UBE2G1: variants seen among roughly 807,000 people sequenced by gnomAD.
The protein encoded by UBE2G1 is ubiquitin-conjugating enzyme E2 G1.
In UBE2G1, 5 loss-of-function variants were observed where a neutral mutation model predicts 22.7. The observed-to-expected ratio is 0.22, with a 90% CI of 0.12 to 0.46. The LOEUF is 0.46. UBE2G1 is among the 20% of genes least tolerant of loss of function. The pLI is 0.99. For synonymous variants in UBE2G1, 74 were observed against 67.5 expected, an observed-to-expected ratio of 1.10 and a Z score of -0.47; for missense variants, 88 against 203.9, an observed-to-expected ratio of 0.43 and a Z score of 3.46.
intron 1 of UBE2G1, among the ~76,000 whole-genome samples, chr17:4,365,396 C>T (rs1312015386): frequency 2.0e-5 from 3 of 152,374 alleles, no homozygotes; most frequent in South Asian, 2.1e-4. Context: ...GAGCCAACCC[C>T]CTAAAAAGTC....
At chr17:4,358,763 C>T (rs1372023792) in intron 1 of UBE2G1, among the ~76,000 whole-genome samples, 1 of 152,108 alleles carries the variant, frequency 6.6e-6, no homozygotes, top group Non-Finnish European at 1.5e-5. Flanking sequence ...ACCAGCCTGA[C>T]TAATATAGAG....
At chr17:4,284,150 CCG>C (rs1348110751) in intron 4 of UBE2G1, among the ~76,000 whole-genome samples, 3 of 128,572 alleles carry the variant, frequency 2.3e-5, no homozygotes, top group South Asian at 2.9e-4. Context: ...GAGCGAGACT[CCG>C]TCTCTCAAAA....
chr17:4,287,262 G>T (rs1030297730), intron 4 of UBE2G1, among the ~76,000 whole-genome samples: 1 of 151,840 alleles, frequency 6.6e-6, no homozygotes, highest in Non-Finnish European at 1.5e-5. Flanking sequence ...CTGCCACCAC[G>T]CCTGGCTAAT....
chr17:4,288,167 A>C (rs1704268642), intron 4 of UBE2G1, among the ~76,000 whole-genome samples: 1 of 152,222 alleles, frequency 6.6e-6, no homozygotes, highest in South Asian at 2.1e-4. Flanking sequence ...TCATTTAACT[A>C]ATACATTTTT....
intron 1 of UBE2G1, among the ~76,000 whole-genome samples, chr17:4,352,506 C>T (rs1357165774): frequency 1.3e-5 from 2 of 152,154 alleles, no homozygotes; most frequent in African/African-American, 4.8e-5. Flanking sequence ...GGTCAGAAAG[C>T]TGGGTAGGAA....
intron 3 of UBE2G1, 47 bp downstream of exon 3, chr17:4,296,670 C>T: frequency 6.5e-7 from 1 of 1,542,842 alleles, no homozygotes; most frequent in Non-Finnish European, 9.0e-7. Flanking sequence ...ACTTCAATAA[C>T]AGGCCATCAA....
At position 4,289,419 on chromosome 17, in the gene UBE2G1, C is replaced by G; in HGVS notation, c.248-11G>C. On this transcript the variant is annotated splice_polypyrimidine_tract_variant and intron_variant, in intron 3 of 5. Transcript: ENST00000396981. Reference sequence around the variant, plus strand: ...CACCATTTTTATCAACTGCAAAATTCAAGAAGAGGCTTGTTTCATATATTA... The same window carrying G: ...CACCATTTTTATCAACTGCAAAATTGAAGAAGAGGCTTGTTTCATATATTA... The G allele has an allele frequency of 6.8e-7, 1 of 1,467,330 alleles. No individual in the cohort carries two copies. The allele number at this position is 1,467,330 out of a possible 1,614,324, so 90.9% of individuals were successfully genotyped here.
chr17:4,356,587 G>A (rs1176519595), intron 1 of UBE2G1, among the ~76,000 whole-genome samples: 3 of 152,174 alleles, frequency 2.0e-5, no homozygotes, highest in African/African-American at 7.2e-5. Context: ...TAGGATGGTA[G>A]CTGTGCGTGG....
At chr17:4,289,136 C>T (rs1459580614) in intron 4 of UBE2G1, 94 bp downstream of exon 4, 1 of 1,008,048 alleles carries the variant, frequency 9.9e-7, no homozygotes, top group Non-Finnish European at 1.4e-6. Flanking sequence ...CACACGCATG[C>T]ATACATTCAT....
intron 2 of UBE2G1, 47 bp downstream of exon 2, chr17:4,306,974 G>A: frequency 1.9e-6 from 3 of 1,543,354 alleles, no homozygotes; most frequent in Non-Finnish European, 2.7e-6. Flanking sequence ...TTAATTCAGT[G>A]TATTAAAAGA....
rs1449008682 is a variant in UBE2G1, at chr17:4,326,070, G to A, written c.47-18947C>T. ...ACATTGGATTTAGCAACAAACTCTT[G>A]GACATGACACCAAGAGCAATAGAGA... is the stretch of plus-strand genomic sequence containing the variant. On this transcript the variant is annotated intron_variant, in intron 1 of 5. Transcript: ENST00000396981. 2.6e-5 allele frequency among the ~76,000 whole-genome samples: 4 copies of A among 151,824 alleles called. No homozygotes were observed. The East Asian group carries it at 7.7e-4, about 29-fold the overall frequency.
At chr17:4,305,723 G>T (rs1386828273) in intron 2 of UBE2G1, among the ~76,000 whole-genome samples, 1 of 152,100 alleles carries the variant, frequency 6.6e-6, no homozygotes, top group Non-Finnish European at 1.5e-5. Flanking sequence ...TGTATTTTTA[G>T]TAGAGACAGG....
In UBE2G1 at chr17:4,328,068, AAG is replaced by A. The variant is rs149953677; in HGVS notation, c.47-20947_47-20946del. On this transcript the variant is annotated intron_variant, in intron 1 of 5. Transcript: ENST00000396981. Reference sequence around the variant, plus strand: ...ATACTCTCAGTCTCACTGTTAAAGAAAGAGAGCAGAAATAACTCCGAATGGAT... The same window carrying A: ...ATACTCTCAGTCTCACTGTTAAAGAAAGAGCAGAAATAACTCCGAATGGAT... Among the ~76,000 whole-genome samples, 804 of 152,292 alleles carry A rather than the reference AAG, an allele frequency of 5.3e-3. 7 individuals are homozygous for A. The highest frequency in any genetic ancestry group is 0.019 in the African/African-American group (771 of 41,542).
chr17:4,335,778 C>T (rs1255374752), intron 1 of UBE2G1, among the ~76,000 whole-genome samples: 7 of 151,854 alleles, frequency 4.6e-5, no homozygotes, highest in Admixed American at 2.0e-4. Flanking sequence ...TTAGACATAA[C>T]GAAATACAGT....
At chr17:4,308,398 G>A (rs1390868028) in intron 1 of UBE2G1, among the ~76,000 whole-genome samples, 1 of 151,908 alleles carries the variant, frequency 6.6e-6, no homozygotes, top group African/African-American at 2.4e-5. Context: ...GGTGGTGTGT[G>A]CCTGTAATCC....
chr17:4,296,134 CCCT>C (rs1241765408), intron 3 of UBE2G1, among the ~76,000 whole-genome samples: 1 of 151,476 alleles, frequency 6.6e-6, no homozygotes, highest in East Asian at 1.9e-4. Flanking sequence ...GATAATTATC[CCCT>C]CAATTATAGG....
In UBE2G1 at chr17:4,289,548, A is replaced by G. The variant is rs557977689; in HGVS notation, c.248-140T>C. ...CGCAGAAGTTAATGTCCAAAATGCA[A>G]TGTGTTGACTTTTTAAGAAGACTAT... On this transcript the variant is annotated intron_variant, in intron 3 of 5. Transcript: ENST00000396981. The G allele has an allele frequency of 1.1e-5, 10 of 941,646 alleles. No homozygotes were observed. In the African/African-American group the frequency reaches 1.5e-4, roughly 14 times the overall value. 58.3% of individuals were successfully genotyped at this position (941,646 alleles called of 1,614,324 possible). A position where few individuals can be genotyped will look rare whatever the true frequency, so the allele number is the denominator to read the frequency against.
At chr17:4,324,108 T>C (rs1394694646) in intron 1 of UBE2G1, among the ~76,000 whole-genome samples, 1 of 152,222 alleles carries the variant, frequency 6.6e-6, no homozygotes, top group Non-Finnish European at 1.5e-5. Context: ...ATTGTTCGAA[T>C]TTAGAACCAT....
rs547309658 is a variant in UBE2G1 at position 4,342,845 on chromosome 17, T to TA, written c.46+23425dup. ...GAGTAAAAGCCTAAATCCTTACCTGTAAAAAATCACACAGCCTCCCCTCCA... is the reference window on the plus strand; with the variant it reads ...GAGTAAAAGCCTAAATCCTTACCTGTAAAAAAATCACACAGCCTCCCCTCCA... On this transcript the variant is annotated intron_variant, in intron 1 of 5. Coordinates refer to ENST00000396981, the MANE Select transcript of UBE2G1 (RefSeq NM_003342.5). 4.8e-3 allele frequency among the ~76,000 whole-genome samples: 733 copies of TA among 152,120 alleles called. 6 individuals carry two copies. The highest frequency in any genetic ancestry group is 0.015 in the African/African-American group (618 of 41,504).
Sources: allele counts gnomAD v4.1 joint callset (sites outside exome capture counted in the v4.1 genomes callset), GRCh38; gene constraint gnomAD v4.1.1; transcripts MANE v1.5; gene names NCBI Gene and HGNC (gene_info 2026-07-23, HGNC 2026-07-21).